Variants in VWDE observed in about 807,000 individuals in gnomAD.
The protein encoded by VWDE is von Willebrand factor D and EGF domains.
VWDE carries 207 observed loss-of-function variants against 178.4 expected under a neutral mutation model. The observed-to-expected ratio is 1.16, with a 90% confidence interval of 1.04 to 1.30. The LOEUF (loss-of-function observed/expected upper bound fraction) is 1.30, where lower values mean the gene tolerates loss of function less well. Among genes scored for constraint, VWDE ranks in the 50% most tolerant of loss-of-function variants. VWDE has a pLI of 0.00. For missense variants in VWDE, 2,287 were observed against 1,901.3 expected (o/e 1.20, Z -3.77); for synonymous variants, 738 against 651.4 (o/e 1.13, Z -2.02).
chr7:12,355,248 C>G (rs1782165675), intron 18 of VWDE, among the ~76,000 whole-genome samples: 1 of 152,024 alleles, frequency 6.6e-6, no homozygotes, highest in Admixed American at 6.6e-5. Flanking sequence ...AACCCCATCT[C>G]TACTAAAAAT....
In VWDE at chr7:12,389,309, G is replaced by C. The variant is rs577742300; in HGVS notation, c.293C>G (p.Ser98Ter). Residue 98 changes from serine (S) to a stop codon, truncating the protein, a stop_gained, in exon 3 of 29, where the codon TCA becomes TGA. Transcript: ENST00000275358. LOFTEE classifies it high-confidence loss of function. ...CTCCCCAGGAGATGGCAGTGTTTCT[G>C]AATCTCTCAGAGACAGCCAGATGGG... Reference protein sequence around the residue: ...QAPIWLSLRDSETLPSPGEIK... With the variant: ...QAPIWLSLRD 1 of 1,551,508 alleles carries C rather than the reference G, an allele frequency of 6.4e-7. No individual in the cohort carries two copies. The highest frequency in any genetic ancestry group is 1.4e-5 in the African/African-American group (1 of 73,152).
At chr7:12,342,704 C>A (rs6951166) in intron 22 of VWDE, among the ~76,000 whole-genome samples, 98,169 of 150,842 alleles carry the variant, frequency 0.65, 32,864 homozygotes, top group African/African-American at 0.83. Flanking sequence ...TATTATACTT[C>A]AAGTTTTAGG....
intron 2 of VWDE, among the ~76,000 whole-genome samples, chr7:12,390,027 T>C (rs1278836136): frequency 1.3e-5 from 2 of 151,912 alleles, no homozygotes; most frequent in Non-Finnish European, 2.9e-5. Flanking sequence ...TAGCCGGGTG[T>C]GGTGGCGTGC....
chr7:12,399,267 G>C (rs1488812824), intron 1 of VWDE, among the ~76,000 whole-genome samples: 2 of 152,068 alleles, frequency 1.3e-5, no homozygotes, highest in African/African-American at 2.4e-5. Flanking sequence ...CCAAAAGAAA[G>C]GTGGTGTGGC....
chr7:12,340,965 C>T (rs1781297604), intron 23 of VWDE, among the ~76,000 whole-genome samples: 1 of 152,002 alleles, frequency 6.6e-6, no homozygotes, highest in African/African-American at 2.4e-5. Context: ...AAAGACATCC[C>T]CAATTTTATT....
chr7:12,381,611 T>A (rs1783854765), intron 4 of VWDE, among the ~76,000 whole-genome samples: 3 of 152,050 alleles, frequency 2.0e-5, no homozygotes, highest in South Asian at 4.1e-4. Context: ...TTTGTTATAG[T>A]CCCAATGACA....
intron 1 of VWDE, 25 bp downstream of exon 1, chr7:12,403,634 C>G: frequency 6.5e-7 from 1 of 1,532,118 alleles, no homozygotes; most frequent in African/African-American, 1.4e-5. Context: ...TGCGCGCCCA[C>G]CCCCGCGCGC....
rs547742882 is a variant in VWDE, at chr7:12,333,467, G to A, written c.4756C>T (p.Gln1586Ter). Reference protein sequence around the residue: ...YSGVKCEKKIQIRRH With the variant: ...YSGVKCEKKI Reference sequence around the variant, plus strand: ...TTTCTCTTTAAACTCTGAAATACCTGTATTTTCTTCTCACATTTGACTCCA... The same window carrying A: ...TTTCTCTTTAAACTCTGAAATACCTATATTTTCTTCTCACATTTGACTCCA... The change falls in exon 28 of 29, where the codon CAG becomes TAG. Residue 1586 changes from glutamine to a stop codon, truncating the protein, a stop_gained and splice_region_variant. Transcript: ENST00000275358. LOFTEE classifies it high-confidence loss of function. 6.5e-7 allele frequency: 1 copy of A among 1,534,998 alleles called. No individual in the cohort carries two copies. The highest frequency in any genetic ancestry group is 8.8e-7 in the Non-Finnish European group (1 of 1,135,004).
intron 1 of VWDE, among the ~76,000 whole-genome samples, chr7:12,400,230 T>C (rs770226462): frequency 7.9e-5 from 12 of 152,090 alleles, no homozygotes; most frequent in Admixed American, 5.2e-4. Context: ...GGATATAAAA[T>C]TGATGGAACT....
chr7:12,347,901 A>G (rs960906714), intron 19 of VWDE, among the ~76,000 whole-genome samples: 212 of 152,100 alleles, frequency 1.4e-3, no homozygotes, highest in African/African-American at 5.0e-3. Context: ...ACAGAACAGA[A>G]CCCTCAGAAA....
In VWDE at chr7:12,357,477, A is replaced by G; in HGVS notation, c.3313T>C (p.Leu1105=). 6.4e-7 allele frequency: 1 copy of G among 1,552,136 alleles called. No homozygotes were observed. Among genetic ancestry groups the G allele is most frequent in the Non-Finnish European group, 8.7e-7 (1 of 1,147,122 alleles). Residue 1105 remains leucine (L), a synonymous_variant, in exon 17 of 29, where the codon TTA becomes CTA. Transcript: ENST00000275358. ...PPVIQALQDK[L]QTFYGENFEY... is the part of the protein sequence containing the mutation. ...AAGTTTTCACCATAAAATGTCTGTA[A>G]TTTGTCTTGCAATGCTTGAATCACT...
intron 1 of VWDE, among the ~76,000 whole-genome samples, chr7:12,396,693 A>C (rs1332069870): frequency 2.0e-5 from 3 of 152,186 alleles, no homozygotes; most frequent in African/African-American, 4.8e-5. Flanking sequence ...AGGCAGGTGG[A>C]TCACCTGAGG....
At chr7:12,389,014 A>T in intron 3 of VWDE, 113 bp downstream of exon 3, 1 of 832,618 alleles carries the variant, frequency 1.2e-6, no homozygotes, top group Non-Finnish European at 2.0e-6. Flanking sequence ...CAATAATGGT[A>T]GACTGAGTAT....
chr7:12,383,009 G>A (rs1037172383), intron 4 of VWDE, among the ~76,000 whole-genome samples: 21 of 150,332 alleles, frequency 1.4e-4, no homozygotes, highest in Non-Finnish European at 2.5e-4. Context: ...AAATACAATC[G>A]TTCCCTTAAA....
intron 27 of VWDE, among the ~76,000 whole-genome samples, chr7:12,334,023 T>G (rs1012043114): frequency 2.0e-5 from 3 of 152,126 alleles, no homozygotes; most frequent in African/African-American, 7.2e-5. Context: ...GTGAAATAAC[T>G]ACTGAAAATT....
At chr7:12,352,016 G>A (rs910162148) in intron 18 of VWDE, among the ~76,000 whole-genome samples, 1 of 152,106 alleles carries the variant, frequency 6.6e-6, no homozygotes, top group Admixed American at 6.6e-5. Flanking sequence ...GGACTGGTGT[G>A]CTCACGAAAA....
chr7:12,373,898 C>T (rs1023339286), intron 9 of VWDE, among the ~76,000 whole-genome samples: 1 of 152,074 alleles, frequency 6.6e-6, no homozygotes, highest in East Asian at 1.9e-4. Flanking sequence ...GATTCTTGCC[C>T]GTTAGATCAG....
At chr7:12,376,877 C>A (rs533132869) in intron 7 of VWDE, among the ~76,000 whole-genome samples, 1 of 152,002 alleles carries the variant, frequency 6.6e-6, no homozygotes, top group African/African-American at 2.4e-5. Context: ...GTGCATCATT[C>A]CAAATGATTC....
At chr7:12,376,399 AC>A in intron 7 of VWDE, among the ~76,000 whole-genome samples, 1 of 152,136 alleles carries the variant, frequency 6.6e-6, no homozygotes, top group Non-Finnish European at 1.5e-5. Context: ...TTTTTCTTCA[AC>A]AAACAAAAGC....
Sources: allele counts gnomAD v4.1 joint callset (sites outside exome capture counted in the v4.1 genomes callset), GRCh38; gene constraint gnomAD v4.1.1; transcripts MANE v1.5; gene names NCBI Gene and HGNC (gene_info 2026-07-23, HGNC 2026-07-21).